Variants in TUBB4B observed in about 807,000 individuals in gnomAD.
TUBB4B encodes tubulin beta 4B class IVb, also known as tubulin beta-4B chain.
TUBB4B carries 7 observed loss-of-function variants against 34.3 expected under a neutral mutation model. The ratio of observed to expected loss-of-function variants is 0.20; its 90% CI spans 0.12 to 0.38. The LOEUF is 0.38. TUBB4B is among the 10% of genes least tolerant of loss of function. The pLI, the probability that TUBB4B is intolerant of heterozygous loss-of-function variation, is 1.00. For synonymous variants in TUBB4B, 390 were observed against 250.2 expected (o/e 1.56, Z -5.27); for missense variants, 178 against 610.9 (o/e 0.29, Z 7.47).
Position 137,242,940 on chromosome 9 carries a change from G to C in TUBB4B, c.722G>C (p.Arg241Pro). The C allele has an allele frequency of 6.2e-7, 1 of 1,613,152 alleles. No individual in the cohort carries two copies. Among genetic ancestry groups the C allele is most frequent in the Non-Finnish European group, 8.5e-7 (1 of 1,180,026 alleles). ...ATMSGVTTCL[R>P]FPGQLNADLR... ...ATGAGTGGGGTCACCACCTGCCTGC[G>C]CTTCCCAGGCCAGCTCAATGCTGAC... Residue 241 changes from arginine (R) to proline (P), a missense_variant, in exon 4 of 4, where the codon CGC becomes CCC. By Grantham distance (103) the Arg-to-Pro change is moderately radical (BLOSUM62 -2). Transcript: ENST00000340384.
intron 3 of TUBB4B, 118 bp downstream of exon 3, chr9:137,242,139 C>T (rs1245644479): frequency 6.8e-6 from 7 of 1,025,990 alleles, no homozygotes; most frequent in Middle Eastern, 6.5e-4. Context: ...CTGAGCCACT[C>T]AATCCCCTCT....
At chr9:137,242,124 C>G (rs534156160) in intron 3 of TUBB4B, 103 bp downstream of exon 3, 4 of 1,143,440 alleles carry the variant, frequency 3.5e-6, no homozygotes, top group Admixed American at 2.6e-5. Context: ...ACGCCCTCCT[C>G]TTCTCTGAGC....
At position 137,241,994 on chromosome 9, in the gene TUBB4B, A is replaced by C; in HGVS notation, c.250A>C (p.Ile84Leu). The part of the protein sequence containing the change: ...DSVRSGPFGQ[I>L]FRPDNFVFGQ... ...CGTGCGCTCGGGGCCCTTCGGGCAG[A>C]TCTTCCGGCCGGACAACTTCGTTTT... Residue 84 changes from isoleucine (I) to leucine (L), a missense_variant, in exon 3 of 4, where the codon ATC becomes CTC. Transcript: ENST00000340384. 1 of 1,610,696 alleles carries C rather than the reference A, an allele frequency of 6.2e-7. No homozygotes were observed. Among genetic ancestry groups the C allele is most frequent in the Non-Finnish European group, 8.5e-7 (1 of 1,179,722 alleles).
chr9:137,241,431 G>A lies in TUBB4B; in HGVS notation c.57+14G>A. 1 of 1,580,064 alleles carries A rather than the reference G, an allele frequency of 6.3e-7. No homozygotes were observed. The highest frequency in any genetic ancestry group is 1.4e-5 in the African/African-American group (1 of 72,158). On this transcript the variant is annotated intron_variant, in intron 1 of 3. Coordinates refer to ENST00000340384, the MANE Select transcript of TUBB4B (RefSeq NM_006088.6). ...ATCGGCGCCAAGGTAAGTTGCCGGG[G>A]CGCTGGGGCCAGGCGGGCCTGCCGG...
chr9:137,242,995 G>A lies in TUBB4B; in HGVS notation c.777G>A (p.Pro259=), dbSNP rs761166665. Residue 259 remains proline, a synonymous_variant, in exon 4 of 4, where the codon CCG becomes CCA. Transcript: ENST00000340384. ...GGAAGCTGGCTGTGAACATGGTCCCGTTTCCCCGGCTGCACTTCTTCATGC... is the reference window on the plus strand; with the variant it reads ...GGAAGCTGGCTGTGAACATGGTCCCATTTCCCCGGCTGCACTTCTTCATGC... The part of the protein sequence containing the change: ...DLRKLAVNMV[P]FPRLHFFMPG... 7.1e-5 allele frequency: 114 copies of A among 1,612,772 alleles called. No homozygotes were observed. Among genetic ancestry groups the A allele is most frequent in the Middle Eastern group, 1.7e-4 (1 of 6,004 alleles).
Position 137,242,873 on chromosome 9 carries a change from A to ACG in TUBB4B, c.657_658dup (p.Pro220ArgfsTer7). On this transcript the variant is annotated frameshift_variant, in exon 4 of 4. Coordinates refer to ENST00000340384, the MANE Select transcript of TUBB4B (RefSeq NM_006088.6). LOFTEE classifies it high-confidence loss of function. ...TTGCTTCAGAACCCTAAAGCTGACC[A>ACG]CGCCCACCTATGGTGACCTGAACCA... 1 of 1,613,408 alleles carries ACG rather than the reference A, an allele frequency of 6.2e-7. No individual in the cohort carries two copies. Among genetic ancestry groups the ACG allele is most frequent in the Non-Finnish European group, 8.5e-7 (1 of 1,180,018 alleles).
Position 137,243,617 on chromosome 9 carries a change from G to T in TUBB4B, c.*61G>T. On this transcript the variant is annotated 3_prime_UTR_variant, in exon 4 of 4. Transcript: ENST00000340384. ...TGAACTCTTTATTCACTCCCAGCCT[G>T]TCCTGTGGCCTGTCCCACTGTGTGC... The T allele has an allele frequency of 6.2e-7, 1 of 1,612,712 alleles. No homozygotes were observed. Among genetic ancestry groups the T allele is most frequent in the Non-Finnish European group, 8.5e-7 (1 of 1,178,846 alleles).
At position 137,242,776 on chromosome 9, in the gene TUBB4B, C is replaced by G; in HGVS notation, c.558C>G (p.Thr186=). The change falls in exon 4 of 4, where the codon ACC becomes ACG. Residue 186 remains threonine, a synonymous_variant. Coordinates refer to ENST00000340384, the MANE Select transcript of TUBB4B (RefSeq NM_006088.6). ...SDTVVEPYNA[T]LSVHQLVENT... is the part of the protein sequence containing the mutation. ...CAGTGGTGGAGCCCTACAACGCCAC[C>G]CTCTCAGTCCACCAGCTCGTAGAAA... is the stretch of plus-strand genomic sequence containing the variant. 1 of 1,613,860 alleles carries G rather than the reference C, an allele frequency of 6.2e-7. No homozygotes were observed.
At chr9:137,241,575 A>G in intron 1 of TUBB4B, 146 bp from the exon 2 acceptor site, 1 of 742,174 alleles carries the variant, frequency 1.3e-6, no homozygotes, top group Non-Finnish European at 1.7e-6. Context: ...CGAAGCCCCC[A>G]GGAACCCGGC....
rs776296209 is a variant in TUBB4B at position 137,242,493 on chromosome 9, C to T, written c.278-3C>T. ...ACAAATGATTAGCTGTGTTCTCTCA[C>T]AGGTCAGAGTGGTGCTGGGAACAAC... is the stretch of plus-strand genomic sequence containing the variant. On this transcript the variant is annotated splice_region_variant and splice_polypyrimidine_tract_variant and intron_variant, in intron 3 of 3. Coordinates refer to ENST00000340384, the MANE Select transcript of TUBB4B (RefSeq NM_006088.6). The T allele has an allele frequency of 1.6e-5, 25 of 1,610,934 alleles. 1 individual carries two copies. The highest frequency in any genetic ancestry group is 1.3e-4 in the Admixed American group (8 of 59,930).
In TUBB4B at chr9:137,241,931, G is replaced by T. The variant is rs946088306; in HGVS notation, c.187G>T (p.Ala63Ser). The T allele has an allele frequency of 6.2e-7, 1 of 1,611,524 alleles. No homozygotes were observed. Residue 63 changes from alanine (A) to serine (S), a missense_variant, in exon 3 of 4, where the codon GCC becomes TCC. By Grantham distance (99) the Ala-to-Ser change is moderately conservative. Transcript: ENST00000340384. ...CGCAGGCGGCAAGTACGTGCCCCGC[G>T]CCGTGCTCGTGGATCTGGAGCCCGG... ...EATGGKYVPR[A>S]VLVDLEPGTM... is the part of the protein sequence containing the mutation.
chr9:137,242,145 C>G (rs1014391938), intron 3 of TUBB4B, 124 bp downstream of exon 3: 1 of 995,388 alleles, frequency 1.0e-6, no homozygotes, highest in Non-Finnish European at 1.5e-6. Context: ...CACTCAATCC[C>G]CTCTACTAAA....
rs747419906 is a variant in TUBB4B at position 137,243,583 on chromosome 9, G to A, written c.*27G>A. 6.2e-7 allele frequency: 1 copy of A among 1,613,628 alleles called. No homozygotes were observed. Among genetic ancestry groups the A allele is most frequent in the Non-Finnish European group, 8.5e-7 (1 of 1,179,654 alleles). On this transcript the variant is annotated 3_prime_UTR_variant, in exon 4 of 4. Coordinates refer to ENST00000340384, the MANE Select transcript of TUBB4B (RefSeq NM_006088.6). ...GCCTTCAGTCACTGGGGAAAGCAGG[G>A]AAGCAGTGTGAACTCTTTATTCACT...
At position 137,243,334 on chromosome 9, in the gene TUBB4B, G is replaced by A. The variant is rs760204112; in HGVS notation, c.1116G>A (p.Thr372=). 25 of 1,613,582 alleles carry A rather than the reference G, an allele frequency of 1.5e-5. No individual in the cohort carries two copies. Among genetic ancestry groups the A allele is most frequent in the Middle Eastern group, 3.3e-4 (2 of 6,038 alleles). Residue 372 remains threonine (T), a synonymous_variant, in exon 4 of 4, where the codon ACG becomes ACA. Transcript: ENST00000340384. ...CCGCCACCTTCATTGGCAACAGCAC[G>A]GCCATCCAGGAGCTGTTCAAGCGCA... ...KMSATFIGNS[T]AIQELFKRIS... is the part of the protein sequence containing the mutation.
rs779499464 is a variant in TUBB4B at position 137,242,487 on chromosome 9, C to T, written c.278-9C>T. On this transcript the variant is annotated splice_polypyrimidine_tract_variant and intron_variant, in intron 3 of 3. Transcript: ENST00000340384. ...TGGCTGACAAATGATTAGCTGTGTT[C>T]TCTCACAGGTCAGAGTGGTGCTGGG... 1.1e-5 allele frequency: 18 copies of T among 1,609,636 alleles called. No homozygotes were observed. Among genetic ancestry groups the T allele is most frequent in the South Asian group, 2.2e-5 (2 of 90,850 alleles).
At chr9:137,242,209 C>T (rs1836763800) in intron 3 of TUBB4B, 188 bp downstream of exon 3, 4 of 676,468 alleles carry the variant, frequency 5.9e-6, no homozygotes, top group Non-Finnish European at 7.4e-6. Context: ...CCGCCACACA[C>T]GTAATCTCCC....
At chr9:137,241,863 G>A (rs931099050) in intron 2 of TUBB4B, 34 bp downstream of exon 2, 2 of 1,611,590 alleles carry the variant, frequency 1.2e-6, no homozygotes, top group South Asian at 2.2e-5. Context: ...ACCGCCCTCC[G>A]GGGACCCCGC....
chr9:137,242,173 G>C (rs1193609586), intron 3 of TUBB4B, 152 bp downstream of exon 3: 36 of 799,784 alleles, frequency 4.5e-5, no homozygotes, highest in Non-Finnish European at 6.5e-5. Context: ...TGGGAGCAAG[G>C]TCCAGCTGTC....
chr9:137,242,093 C>A lies in TUBB4B; in HGVS notation c.277+72C>A, dbSNP rs565864161. ...TGCTCCAAGGGCACCGCCGTGGGAA[C>A]TGCGCAGCCGGGGCCCCTGGACGCC... On this transcript the variant is annotated intron_variant, in intron 3 of 3. Transcript: ENST00000340384. 103 of 1,482,956 alleles carry A rather than the reference C, an allele frequency of 6.9e-5. No homozygotes were observed. The South Asian group carries it at 1.1e-3, about 16-fold the overall frequency. The allele number at this position is 1,482,956 out of a possible 1,614,324, so 91.9% of individuals were successfully genotyped here. A position where few individuals can be genotyped will look rare whatever the true frequency, so the allele number is the denominator to read the frequency against.
Sources: gnomAD v4.1 joint callset for allele counts on GRCh38, gnomAD v4.1.1 for gene constraint, MANE v1.5 for transcripts, NCBI Gene and HGNC (gene_info 2026-07-23, HGNC 2026-07-21) for gene names.